Variants in DOCK1 observed in about 807,000 individuals in gnomAD.
The protein encoded by DOCK1 is dedicator of cytokinesis 1.
In DOCK1, 138 loss-of-function variants were observed where a neutral mutation model predicts 262.7. The observed-to-expected ratio is 0.53, with a 90% confidence interval of 0.46 to 0.61. The LOEUF is 0.61. DOCK1 is among the 20% of genes least tolerant of loss of function. The probability of loss-of-function intolerance (pLI) is 0.00; values close to 1 mark genes in which losing one functional copy is unlikely to be tolerated. For synonymous variants in DOCK1, 866 were observed against 867.4 expected (o/e 1.00, Z 0.03); for missense variants, 1,908 against 2,370.7 (o/e 0.80, Z 4.05).
intron 48 of DOCK1, 21 bp from the exon 49 acceptor site, chr10:127,439,006 C>T (rs1039124597): frequency 9.7e-6 from 15 of 1,540,632 alleles, no homozygotes; most frequent in Middle Eastern, 1.7e-4. Flanking sequence ...CCTATTAAGA[C>T]GTCATTGACC....
At chr10:126,987,687 T>C (rs1309237439) in intron 5 of DOCK1, 70 bp downstream of exon 5, 10 of 1,309,860 alleles carry the variant, frequency 7.6e-6, no homozygotes, top group East Asian at 2.6e-5. Flanking sequence ...GATATGCCAA[T>C]GGGATGTTTT....
At chr10:127,305,009 T>G (rs1452952982) in intron 29 of DOCK1, among the ~76,000 whole-genome samples, 1 of 152,234 alleles carries the variant, frequency 6.6e-6, no homozygotes, top group Non-Finnish European at 1.5e-5. Flanking sequence ...GTGGTTCCAC[T>G]GATGAGCTTC....
chr10:127,152,632 C>T (rs139664138), intron 27 of DOCK1, among the ~76,000 whole-genome samples: 182 of 152,344 alleles, frequency 1.2e-3, no homozygotes, highest in African/African-American at 4.1e-3. Flanking sequence ...CCTGTGCAGG[C>T]AGCATAGGAT....
At chr10:127,135,126 T>A (rs2050579934) in intron 27 of DOCK1, among the ~76,000 whole-genome samples, 1 of 152,218 alleles carries the variant, frequency 6.6e-6, no homozygotes, top group Non-Finnish European at 1.5e-5. Flanking sequence ...CTTCTGAGGT[T>A]AAGAATTAAA....
Position 126,963,581 on chromosome 10 carries a change from CTCCCTTCCCTTCCCT to C in DOCK1, c.47-7075_47-7061del, listed in dbSNP as rs1201081887. Among the ~76,000 whole-genome samples, 97 of 67,916 alleles carry C rather than the reference CTCCCTTCCCTTCCCT, an allele frequency of 1.4e-3. 1 individual carries two copies. Among genetic ancestry groups the C allele is most frequent in the East Asian group, 8.2e-3 (18 of 2,188 alleles). The allele number at this position is 67,916 out of a possible 152,430, so 44.6% of individuals were successfully genotyped here. A position where few individuals can be genotyped will look rare whatever the true frequency, so the allele number is the denominator to read the frequency against. On this transcript the variant is annotated intron_variant, in intron 1 of 51. Coordinates refer to ENST00000623213, the MANE Select transcript of DOCK1 (RefSeq NM_001290223.2). ...GCTTCCCTCCTCTCCCTCTCCTTCC[CTCCCTTCCCTTCCCT>C]TCCCTTCCCTTCCCTTCCCTTCCCT...
intron 46 of DOCK1, 112 bp downstream of exon 46, chr10:127,419,861 C>T (rs2068394601): frequency 8.7e-7 from 1 of 1,147,272 alleles, no homozygotes; most frequent in South Asian, 1.4e-5. Context: ...AGTCCTGATG[C>T]ACGTGGCTGT....
intron 27 of DOCK1, among the ~76,000 whole-genome samples, chr10:127,215,831 C>G (rs1336066995): frequency 2.6e-5 from 4 of 151,898 alleles, no homozygotes; most frequent in African/African-American, 7.3e-5. Context: ...AACACCCCCC[C>G]TCACCCCCCA....
intron 27 of DOCK1, among the ~76,000 whole-genome samples, chr10:127,201,048 G>A (rs1022185578): frequency 1.3e-5 from 2 of 152,196 alleles, no homozygotes; most frequent in Admixed American, 6.5e-5. Context: ...CAACGCCTAC[G>A]AGGGAAAAGT....
At chr10:127,336,354 A>T (rs966952436) in intron 29 of DOCK1, among the ~76,000 whole-genome samples, 1 of 151,620 alleles carries the variant, frequency 6.6e-6, no homozygotes, top group Non-Finnish European at 1.5e-5. Flanking sequence ...GTTTTATTTG[A>T]TCTTTCCTTC....
intron 1 of DOCK1, among the ~76,000 whole-genome samples, chr10:126,934,434 A>G (rs2034409414): frequency 6.6e-6 from 1 of 152,242 alleles, no homozygotes; most frequent in South Asian, 2.1e-4. Flanking sequence ...TTCGGAGAGA[A>G]GCCGTGCACC....
chr10:126,948,630 C>T (rs1055867381), intron 1 of DOCK1, among the ~76,000 whole-genome samples: 9 of 151,872 alleles, frequency 5.9e-5, no homozygotes, highest in Non-Finnish European at 1.0e-4. Flanking sequence ...GAAAGTTTCC[C>T]GATGTGGGGT....
chr10:127,170,752 T>C (rs1454123845), intron 27 of DOCK1, among the ~76,000 whole-genome samples: 1 of 152,208 alleles, frequency 6.6e-6, no homozygotes, highest in East Asian at 1.9e-4. Flanking sequence ...ATTTGCCTTG[T>C]TCTTAGCCTT....
At position 127,103,941 on chromosome 10, in the gene DOCK1, G is replaced by A. The variant is rs992050897; in HGVS notation, c.2446-2290G>A. 1.4e-4 allele frequency among the ~76,000 whole-genome samples: 21 copies of A among 152,284 alleles called. No individual in the cohort carries two copies. In the South Asian group the frequency reaches 3.7e-3, roughly 27 times the overall value. ...GTGTTATACAAAGAGCATGTTGTAG[G>A]AATTCTGTTTTGTTTTCATGATTCT... On this transcript the variant is annotated intron_variant, in intron 23 of 51. Transcript: ENST00000623213.
At chr10:127,016,076 A>T (rs958418432) in intron 12 of DOCK1, 1 of 152,174 alleles carries the variant, frequency 6.6e-6, no homozygotes, top group Non-Finnish European at 1.5e-5. Flanking sequence ...CTCCCGTGAG[A>T]ACTTCGCAGT....
intron 33 of DOCK1, among the ~76,000 whole-genome samples, chr10:127,365,704 T>C (rs1438196070): frequency 1.3e-5 from 2 of 152,210 alleles, no homozygotes; most frequent in African/African-American, 4.8e-5. Context: ...GTTTGGTTTC[T>C]GAATTGTTCC....
chr10:126,953,735 C>G (rs1246089039), intron 1 of DOCK1, among the ~76,000 whole-genome samples: 3 of 151,866 alleles, frequency 2.0e-5, no homozygotes, highest in Non-Finnish European at 4.4e-5. Context: ...AAGCCTTGTT[C>G]CACGTGTGTT....
chr10:127,024,685 C>T lies in DOCK1; in HGVS notation c.1453C>T (p.His485Tyr), dbSNP rs200316381. 4.4e-6 allele frequency: 7 copies of T among 1,608,130 alleles called. No individual in the cohort carries two copies. Among genetic ancestry groups the T allele is most frequent in the South Asian group, 1.1e-5 (1 of 89,218 alleles). ...GAGCTCTTTATGTCTTCTTTTAAAG[C>T]ATGTGATTTTCCCGGGTGCTGGTGA... ...VYDEDGKRLE[H>Y]VIFPGAGDEA... The change falls in exon 15 of 52, where the codon CAT becomes TAT. Residue 485 changes from histidine (H) to tyrosine (Y), a missense_variant and splice_region_variant. Around this residue, in one of 9 missense-constraint regions of DOCK1, gnomAD observed 294 missense variants for 439.9 expected, o/e 0.67. Transcript: ENST00000623213.
chr10:127,396,590 C>T (rs2066863860), intron 38 of DOCK1, among the ~76,000 whole-genome samples: 1 of 152,144 alleles, frequency 6.6e-6, no homozygotes, highest in South Asian at 2.1e-4. Context: ...CCAGTAGCTG[C>T]CTGTGGAAGG....
chr10:127,361,612 G>A (rs12241058), intron 32 of DOCK1, among the ~76,000 whole-genome samples: 38,054 of 152,068 alleles, frequency 0.25, 4,832 homozygotes, highest in South Asian at 0.33. Context: ...AGATGTGGGA[G>A]ATAAAGAGGA....
Sources: allele counts gnomAD v4.1 joint callset (sites outside exome capture counted in the v4.1 genomes callset), GRCh38; gene constraint gnomAD v4.1.1; regional missense constraint gnomAD v4.1.1; transcripts MANE v1.5; gene names NCBI Gene and HGNC (gene_info 2026-07-23, HGNC 2026-07-21).